The following IL20RB variants were observed in gnomAD, a reference collection of about 807,000 sequenced individuals.
IL20RB encodes the protein interleukin 20 receptor subunit beta.
Under a neutral mutation model 33.3 loss-of-function variants are expected in IL20RB, and 21 were observed. That is an observed-to-expected ratio of 0.63 (90% CI 0.45 to 0.91). IL20RB has a LOEUF of 0.91. Ranked by LOEUF, IL20RB falls within the 40% of genes least tolerant of loss-of-function variation. The pLI, the probability that IL20RB is intolerant of heterozygous loss-of-function variation, is 0.00. For synonymous variants in IL20RB, 147 were observed against 146.8 expected, an observed-to-expected ratio of 1.00 and a Z score of -0.01; for missense variants, 345 against 384.8, an observed-to-expected ratio of 0.90 and a Z score of 0.86.
At chr3:137,007,610 A>G (rs1399984517) in intron 6 of IL20RB, among the ~76,000 whole-genome samples, 1 of 152,214 alleles carries the variant, frequency 6.6e-6, no homozygotes, top group Admixed American at 6.5e-5. Context: ...ACGAGAGAGA[A>G]TCACCTTGTC....
chr3:137,004,846 T>C (rs2061466246), intron 6 of IL20RB, among the ~76,000 whole-genome samples: 2 of 152,226 alleles, frequency 1.3e-5, no homozygotes, highest in South Asian at 2.1e-4. Context: ...CTAGTTCTTT[T>C]AATTGTGATG....
At chr3:136,982,037 A>G in intron 2 of IL20RB, 123 bp from the exon 3 acceptor site, 1 of 588,862 alleles carries the variant, frequency 1.7e-6, no homozygotes, top group Non-Finnish European at 2.9e-6. Flanking sequence ...GAGCTAGGAT[A>G]ATGAGAAAGT....
In IL20RB at chr3:136,991,953, G is replaced by T; in HGVS notation, c.547G>T (p.Val183Leu). ...TCTGTCAAAGGAACATGTCAAAATGGTGAGGAGTGGGGGTATTCCAGTGCA... is the reference window on the plus strand; with the variant it reads ...TCTGTCAAAGGAACATGTCAAAATGTTGAGGAGTGGGGGTATTCCAGTGCA... Reference protein sequence around the residue: ...EPGAEEHVKMVRSGGIPVHLE... With the variant: ...EPGAEEHVKMLRSGGIPVHLE... The change falls in exon 5 of 7, where the codon GTG becomes TTG. Residue 183 changes from valine to leucine, a missense_variant. Coordinates refer to ENST00000329582, the MANE Select transcript of IL20RB (RefSeq NM_144717.4). 1 of 1,614,138 alleles carries T rather than the reference G, an allele frequency of 6.2e-7. No homozygotes were observed. Among genetic ancestry groups the T allele is most frequent in the Non-Finnish European group, 8.5e-7 (1 of 1,179,980 alleles).
At chr3:136,963,270 T>C (rs1941273750) in intron 1 of IL20RB, among the ~76,000 whole-genome samples, 2 of 152,222 alleles carry the variant, frequency 1.3e-5, no homozygotes, top group South Asian at 4.1e-4. Context: ...GCAGGTCTTA[T>C]GTGATGTAAA....
intron 3 of IL20RB, among the ~76,000 whole-genome samples, chr3:136,983,912 C>T (rs1941841111): frequency 6.6e-6 from 1 of 152,196 alleles, no homozygotes; most frequent in South Asian, 2.1e-4. Flanking sequence ...ACACAGCTCA[C>T]TGCAGCCTTG....
chr3:136,975,779 G>T (rs1338425213), intron 1 of IL20RB, among the ~76,000 whole-genome samples: 1 of 152,212 alleles, frequency 6.6e-6, no homozygotes, highest in African/African-American at 2.4e-5. Flanking sequence ...GGCCCCAATT[G>T]TGGCAGTGGT....
chr3:136,972,933 T>C (rs1941524284), intron 1 of IL20RB, among the ~76,000 whole-genome samples: 1 of 152,196 alleles, frequency 6.6e-6, no homozygotes, highest in Non-Finnish European at 1.5e-5. Flanking sequence ...CATTTATTGA[T>C]ATAAATGTCC....
chr3:136,998,410 C>A (rs1942178077), intron 6 of IL20RB, among the ~76,000 whole-genome samples: 1 of 150,982 alleles, frequency 6.6e-6, no homozygotes, highest in African/African-American at 2.4e-5. Context: ...TTTATATTTA[C>A]CCACATATTT....
intron 1 of IL20RB, among the ~76,000 whole-genome samples, chr3:136,978,630 C>T (rs1010222323): frequency 3.3e-5 from 5 of 152,136 alleles, no homozygotes; most frequent in African/African-American, 4.8e-5. Flanking sequence ...ACAAATCCCA[C>T]TTGGTTATGG....
chr3:136,975,115 T>A (rs1941583029), intron 1 of IL20RB, among the ~76,000 whole-genome samples: 1 of 152,136 alleles, frequency 6.6e-6, no homozygotes, highest in Non-Finnish European at 1.5e-5. Flanking sequence ...TTTCAAAAAT[T>A]TCTTTTTGAT....
At chr3:136,997,439 G>C (rs919975069) in intron 6 of IL20RB, among the ~76,000 whole-genome samples, 2 of 151,914 alleles carry the variant, frequency 1.3e-5, no homozygotes, top group Non-Finnish European at 2.9e-5. Flanking sequence ...TCGAGGCTCT[G>C]TTTTAAGTGT....
chr3:137,001,556 G>A (rs1942242331), intron 6 of IL20RB, among the ~76,000 whole-genome samples: 1 of 152,148 alleles, frequency 6.6e-6, no homozygotes, highest in Non-Finnish European at 1.5e-5. Context: ...AGCCATCCTT[G>A]CAAAGTCAAC....
chr3:136,984,853 C>G (rs1941862413), intron 3 of IL20RB, among the ~76,000 whole-genome samples: 4 of 152,052 alleles, frequency 2.6e-5, no homozygotes, highest in South Asian at 4.1e-4. Flanking sequence ...GTGGCAGGAT[C>G]TGGGGGAGAT....
intron 1 of IL20RB, among the ~76,000 whole-genome samples, chr3:136,958,607 T>C (rs1316011977): frequency 6.6e-6 from 1 of 152,136 alleles, no homozygotes; most frequent in Non-Finnish European, 1.5e-5. Context: ...AAAAAGACAA[T>C]TTGTGAGCTT....
intron 6 of IL20RB, among the ~76,000 whole-genome samples, chr3:137,002,678 C>G (rs537717963): frequency 6.6e-6 from 1 of 152,036 alleles, no homozygotes; most frequent in South Asian, 2.1e-4. Context: ...AGTCCTTTGT[C>G]AGATGGGTAG....
rs552316223 is a variant in IL20RB at position 136,987,551 on chromosome 3, C to T, written c.407-1890C>T. 1.9e-3 allele frequency among the ~76,000 whole-genome samples: 295 copies of T among 152,344 alleles called. 1 individual carries two copies. The highest frequency in any genetic ancestry group is 6.0e-3 in the African/African-American group (249 of 41,588). On this transcript the variant is annotated intron_variant, in intron 3 of 6. Coordinates refer to ENST00000329582, the MANE Select transcript of IL20RB (RefSeq NM_144717.4). The stretch of plus-strand genomic sequence containing the variant: ...CCAGTGGATCCCGCACCAGGGCTGC[C>T]GGTGGAGCTGCGTGCCAGTCCTGCG...
In IL20RB at chr3:136,972,742, AT is replaced by A. The variant is rs879730915; in HGVS notation, c.89-7713del. Among the ~76,000 whole-genome samples the A allele has an allele frequency of 3.3e-3, 485 of 147,066 alleles. 3 individuals are homozygous for A. The highest frequency in any genetic ancestry group is 8.4e-3 in the African/African-American group (336 of 40,160). ...ACTTTGTTAATCTTTTTGAAGAAAA[AT>A]TTTTTTTTTTCATTTTCTTGATGTA... On this transcript the variant is annotated intron_variant, in intron 1 of 6. Coordinates refer to ENST00000329582, the MANE Select transcript of IL20RB (RefSeq NM_144717.4).
In IL20RB at chr3:137,010,564, C is replaced by A. The variant is rs994382341; in HGVS notation, c.*341C>A. 4.6e-5 allele frequency: 10 copies of A among 219,202 alleles called. No individual in the cohort carries two copies. Among genetic ancestry groups the A allele is most frequent in the East Asian group, 3.2e-4 (3 of 9,480 alleles). 13.6% of individuals were successfully genotyped at this position (219,202 alleles called of 1,614,324 possible). A position where few individuals can be genotyped will look rare whatever the true frequency, so the allele number is the denominator to read the frequency against. ...AAACACACACACACAGAGTCTCTCTCTATATATACACACGTACACATAAAT... is the reference window on the plus strand; with the variant it reads ...AAACACACACACACAGAGTCTCTCTATATATATACACACGTACACATAAAT... On this transcript the variant is annotated 3_prime_UTR_variant, in exon 7 of 7. Coordinates refer to ENST00000329582, the MANE Select transcript of IL20RB (RefSeq NM_144717.4).
intron 5 of IL20RB, among the ~76,000 whole-genome samples, chr3:136,995,195 C>G (rs1413263985): frequency 6.6e-6 from 1 of 152,226 alleles, no homozygotes; most frequent in African/African-American, 2.4e-5. Context: ...TTAATCTTCC[C>G]TGGGGCTTTC....
Sources: gnomAD v4.1 joint callset for allele counts (sites outside exome capture counted in the v4.1 genomes callset) on GRCh38, gnomAD v4.1.1 for gene constraint, MANE v1.5 for transcripts, NCBI Gene and HGNC (gene_info 2026-07-23, HGNC 2026-07-21) for gene names.